The following REDIC1 variants were observed in gnomAD, a reference collection of about 807,000 sequenced individuals.
REDIC1 encodes the protein HEI10 Interacting Protein 1.
chr12:39,780,785 A>G, the REDIC1 span, among the ~76,000 whole-genome samples: 3 of 152,220 alleles, frequency 2.0e-5, no homozygotes, highest in African/African-American at 4.8e-5. Context: ...ACACGAAAAC[A>G]TGGAGCTACA....
chr12:39,771,584 T>A, the REDIC1 span, among the ~76,000 whole-genome samples: 1 of 152,150 alleles, frequency 6.6e-6, no homozygotes, highest in Non-Finnish European at 1.5e-5. Flanking sequence ...TGTAGGCTTG[T>A]GAGGCCCTAA....
At chr12:39,896,465 TACATATATGTATATGTGTATATATGTAC>T in the REDIC1 span, among the ~76,000 whole-genome samples, 2 of 141,450 alleles carry the variant, frequency 1.4e-5, no homozygotes, top group African/African-American at 2.6e-5. Context: ...TATATATGTA[TACATATATGTATATGTGTATATATGTAC>T]ACATATATGT....
the REDIC1 span, among the ~76,000 whole-genome samples, chr12:39,812,657 G>C: frequency 6.6e-6 from 1 of 151,718 alleles, no homozygotes; most frequent in African/African-American, 2.4e-5. Context: ...ATTTTTAGTA[G>C]AGATGAGGTT....
At chr12:39,638,514 C>G in the REDIC1 span, among the ~76,000 whole-genome samples, 1 of 151,942 alleles carries the variant, frequency 6.6e-6, no homozygotes, top group African/African-American at 2.4e-5. Flanking sequence ...ATCCATTTTT[C>G]TTTTAATAAA....
the REDIC1 span, among the ~76,000 whole-genome samples, chr12:39,657,834 CTT>C: frequency 6.6e-6 from 1 of 151,806 alleles, no homozygotes; most frequent in Non-Finnish European, 1.5e-5. Flanking sequence ...TTTCACAAGT[CTT>C]TTATTTTTAT....
the REDIC1 span, chr12:39,683,146 T>C: frequency 6.3e-7 from 1 of 1,575,298 alleles, no homozygotes; most frequent in Non-Finnish European, 8.6e-7. Flanking sequence ...AAAAGGTTGG[T>C]ATTGTACATG....
the REDIC1 span, among the ~76,000 whole-genome samples, chr12:39,672,115 T>C: frequency 2.6e-5 from 4 of 152,000 alleles, no homozygotes; most frequent in African/African-American, 4.8e-5. Context: ...GGGGCTGTTA[T>C]TAAGCCACCT....
the REDIC1 span, among the ~76,000 whole-genome samples, chr12:39,810,511 A>G: frequency 1.3e-5 from 2 of 152,124 alleles, no homozygotes; most frequent in African/African-American, 4.8e-5. Flanking sequence ...TCTCCAGGAA[A>G]ATGTCATGTA....
the REDIC1 span, among the ~76,000 whole-genome samples, chr12:39,653,709 G>A: frequency 6.6e-6 from 1 of 151,582 alleles, no homozygotes; most frequent in Non-Finnish European, 1.5e-5. Context: ...GTACAATGCT[G>A]AATAGCAGTG....
the REDIC1 span, among the ~76,000 whole-genome samples, chr12:39,809,548 C>T: frequency 6.6e-6 from 1 of 152,108 alleles, no homozygotes; most frequent in Non-Finnish European, 1.5e-5. Flanking sequence ...GGTACATGTG[C>T]ACAACGTGCA....
the REDIC1 span, among the ~76,000 whole-genome samples, chr12:39,841,350 T>C: frequency 7.9e-5 from 12 of 152,204 alleles, no homozygotes; most frequent in African/African-American, 2.9e-4. Flanking sequence ...AATTATTGGG[T>C]TGGTTCTTGC....
At chr12:39,838,506 TAAA>T in the REDIC1 span, among the ~76,000 whole-genome samples, 826 of 142,254 alleles carry the variant, frequency 5.8e-3, 5 homozygotes, top group Non-Finnish European at 7.0e-3. Context: ...AAAAATAAAT[TAAA>T]AAAAAAAAAA....
the REDIC1 span, among the ~76,000 whole-genome samples, chr12:39,711,902 T>C: frequency 2.5e-5 from 3 of 121,828 alleles, no homozygotes; most frequent in African/African-American, 9.1e-5. Flanking sequence ...TATACACGTA[T>C]ACACATGTAT....
chr12:39,790,688 ATGTGTCTT>A, the REDIC1 span, among the ~76,000 whole-genome samples: 1 of 102,282 alleles, frequency 9.8e-6, no homozygotes, highest in East Asian at 2.9e-4. Context: ...ATACGTGTGC[ATGTGTCTT>A]TATAGCAGCA....
chr12:39,760,976 A>ACACACACACACACACAC, the REDIC1 span, among the ~76,000 whole-genome samples: 19 of 150,250 alleles, frequency 1.3e-4, no homozygotes, highest in Non-Finnish European at 2.4e-4. Context: ...ACACACACAT[A>ACACACACACACACACAC]ATTGAATTGC....
At chr12:39,633,173 A>G in the REDIC1 span, among the ~76,000 whole-genome samples, 2 of 152,094 alleles carry the variant, frequency 1.3e-5, no homozygotes, top group African/African-American at 4.8e-5. Flanking sequence ...CTGTTTCATA[A>G]TAACACTTTG....
At chr12:39,765,074 C>T in the REDIC1 span, among the ~76,000 whole-genome samples, 7 of 151,864 alleles carry the variant, frequency 4.6e-5, no homozygotes, top group African/African-American at 1.5e-4. Context: ...ACAAAGACAC[C>T]GTGTTTTATA....
chr12:39,773,019 A>T, the REDIC1 span, among the ~76,000 whole-genome samples: 1 of 152,208 alleles, frequency 6.6e-6, no homozygotes, highest in African/African-American at 2.4e-5. Context: ...CCAACTAAAA[A>T]ATAAAAATGC....
At chr12:39,830,027 A>G in the REDIC1 span, 15 of 1,578,100 alleles carry the variant, frequency 9.5e-6, no homozygotes, top group Non-Finnish European at 1.3e-5. Context: ...TATAAGTGCA[A>G]GCACTCTGAA....
Sources: gnomAD v4.1 joint callset for allele counts (sites outside exome capture counted in the v4.1 genomes callset) on GRCh38, gnomAD v4.1.1 for gene constraint, MANE v1.5 for transcripts, NCBI Gene and HGNC (gene_info 2026-07-23, HGNC 2026-07-21) for gene names.